NBAS: variants seen among roughly 807,000 people sequenced by gnomAD.
NBAS encodes NAG/BC035112 fusion.
NBAS carries 219 observed loss-of-function variants against 302.5 expected under a neutral mutation model. That is an observed-to-expected ratio of 0.72 (90% confidence interval 0.65 to 0.81). NBAS has a LOEUF of 0.81. Among genes scored for constraint, NBAS ranks in the 30% least tolerant of loss-of-function variants. The probability of loss-of-function intolerance (pLI) is 0.00; values close to 1 mark genes in which losing one functional copy is unlikely to be tolerated. For missense variants in NBAS, 2,932 were observed against 2,841.6 expected (o/e 1.03, Z -0.72); for synonymous variants, 1,118 against 1,021.6 (o/e 1.09, Z -1.80).
At position 15,550,030 on chromosome 2, in the gene NBAS, G is replaced by C. The variant is rs888982825; in HGVS notation, c.379+1463C>G. ...TAATAAAAAGTTAGCCAGGCATGCT[G>C]GTGCATGCCTGTGGTCCCAGCTACT... is the stretch of plus-strand genomic sequence containing the variant. On this transcript the variant is annotated intron_variant, in intron 6 of 51. Transcript: ENST00000281513. Among the ~76,000 whole-genome samples, 3 of 152,208 alleles carry C rather than the reference G, an allele frequency of 2.0e-5. No homozygotes were observed. In the East Asian group the frequency reaches 5.8e-4, roughly 29 times the overall value.
chr2:15,024,163 C>T, the NBAS span, among the ~76,000 whole-genome samples: 2 of 151,950 alleles, frequency 1.3e-5, no homozygotes, highest in African/African-American at 4.8e-5. Context: ...CTGTTGTTCA[C>T]CTCTTTCTAT....
At chr2:14,976,916 A>C in the NBAS span, among the ~76,000 whole-genome samples, 1 of 152,206 alleles carries the variant, frequency 6.6e-6, no homozygotes, top group African/African-American at 2.4e-5. Context: ...CAACAGCATG[A>C]TTTGGCCTCC....
the NBAS span, among the ~76,000 whole-genome samples, chr2:14,814,823 C>T: frequency 2.7e-4 from 41 of 152,266 alleles, no homozygotes; most frequent in African/African-American, 8.7e-4. Flanking sequence ...GTGTCCCCCC[C>T]CAAACTGCAT....
intron 31 of NBAS, among the ~76,000 whole-genome samples, chr2:15,372,351 C>T (rs1674527292): frequency 6.6e-6 from 1 of 152,150 alleles, no homozygotes; most frequent in Non-Finnish European, 1.5e-5. Context: ...TCAATTGGCT[C>T]ATTGATTATA....
chr2:14,915,647 C>T, the NBAS span, among the ~76,000 whole-genome samples: 3 of 152,164 alleles, frequency 2.0e-5, no homozygotes, highest in African/African-American at 7.2e-5. Flanking sequence ...ACTACAACCT[C>T]TGTCTCCCGG....
the NBAS span, among the ~76,000 whole-genome samples, chr2:15,147,227 CCCTAA>C: frequency 2.0e-5 from 3 of 152,222 alleles, no homozygotes; most frequent in Non-Finnish European, 4.4e-5. Context: ...GCAGCCAGCA[CCCTAA>C]ACAGCTGTCC....
At chr2:14,803,639 GTTGTTTGT>G in the NBAS span, among the ~76,000 whole-genome samples, 10 of 151,822 alleles carry the variant, frequency 6.6e-5, no homozygotes, top group East Asian at 1.9e-4. Context: ...TCTTTTTGTT[GTTGTTTGT>G]TTGTTTGTTT....
chr2:14,943,468 G>A, the NBAS span, among the ~76,000 whole-genome samples: 3 of 152,156 alleles, frequency 2.0e-5, no homozygotes, highest in African/African-American at 7.2e-5. Flanking sequence ...CTACCTAATT[G>A]CATTGCAGTG....
At chr2:14,968,621 G>C in the NBAS span, among the ~76,000 whole-genome samples, 1 of 152,016 alleles carries the variant, frequency 6.6e-6, no homozygotes, top group Non-Finnish European at 1.5e-5. Context: ...TTAGTCATTA[G>C]GGAAATCCAA....
chr2:15,129,389 C>T, the NBAS span, among the ~76,000 whole-genome samples: 3 of 152,238 alleles, frequency 2.0e-5, no homozygotes, highest in South Asian at 2.1e-4. Context: ...ATTCAGGCTG[C>T]GCTACAGTGG....
At chr2:15,282,816 T>C (rs1669882637) in intron 42 of NBAS, among the ~76,000 whole-genome samples, 1 of 152,176 alleles carries the variant, frequency 6.6e-6, no homozygotes. Flanking sequence ...CTCCTTTGCT[T>C]ACTCTGTCCC....
chr2:15,121,913 G>A, the NBAS span, among the ~76,000 whole-genome samples: 1 of 152,106 alleles, frequency 6.6e-6, no homozygotes, highest in Non-Finnish European at 1.5e-5. Flanking sequence ...CTTATCGTAT[G>A]TACTTTATTT....
chr2:15,065,756 TG>T, the NBAS span, among the ~76,000 whole-genome samples: 4 of 151,794 alleles, frequency 2.6e-5, no homozygotes, highest in South Asian at 4.1e-4. Context: ...TACAAATAAA[TG>T]GAAAGATGCT....
At chr2:15,287,344 G>C (rs534766585) in intron 41 of NBAS, among the ~76,000 whole-genome samples, 161 bp from the exon 42 acceptor site, 1 of 152,166 alleles carries the variant, frequency 6.6e-6, no homozygotes, top group Admixed American at 6.5e-5. Context: ...GTACTTCCAA[G>C]GAATTGTAAT....
chr2:14,919,296 G>A, the NBAS span, among the ~76,000 whole-genome samples: 198 of 152,260 alleles, frequency 1.3e-3, no homozygotes, highest in African/African-American at 4.6e-3. Flanking sequence ...ATAACATTAT[G>A]TCTAAAAAAT....
chr2:15,122,458 G>A, the NBAS span, among the ~76,000 whole-genome samples: 142 of 152,224 alleles, frequency 9.3e-4, no homozygotes, highest in African/African-American at 3.1e-3. Flanking sequence ...GCAAAAACTC[G>A]CTCATCAGCA....
chr2:14,820,681 C>A, the NBAS span, among the ~76,000 whole-genome samples: 1 of 152,152 alleles, frequency 6.6e-6, no homozygotes, highest in Admixed American at 6.5e-5. Context: ...ATAAATTCCT[C>A]AATGTGAGAA....
the NBAS span, among the ~76,000 whole-genome samples, chr2:15,110,784 C>A: frequency 6.6e-6 from 1 of 152,148 alleles, no homozygotes; most frequent in African/African-American, 2.4e-5. Context: ...CTCCCCAACA[C>A]AAATACACAG....
chr2:14,935,199 T>G, the NBAS span, among the ~76,000 whole-genome samples: 2 of 152,200 alleles, frequency 1.3e-5, no homozygotes, highest in South Asian at 4.1e-4. Flanking sequence ...ATTTCATATT[T>G]CTCAATTTGT....
Sources: gnomAD v4.1 joint callset for allele counts (sites outside exome capture counted in the v4.1 genomes callset) on GRCh38, gnomAD v4.1.1 for gene constraint, MANE v1.5 for transcripts, NCBI Gene and HGNC (gene_info 2026-07-23, HGNC 2026-07-21) for gene names.